Variants in DDX5 observed in about 807,000 individuals in gnomAD.
DDX5 encodes the protein probable ATP-dependent RNA helicase DDX5.
DDX5 carries 6 observed loss-of-function variants against 68.6 expected under a neutral mutation model. The observed-to-expected ratio is 0.09, with a 90% CI of 0.05 to 0.17. DDX5 has a LOEUF of 0.17. Among genes scored for constraint, DDX5 ranks in the 10% least tolerant of loss-of-function variants. The pLI is 1.00. For synonymous variants in DDX5, 350 were observed against 247.0 expected (o/e 1.42, Z -3.91); for missense variants, 499 against 756.1 (o/e 0.66, Z 3.99).
chr17:64,502,865 A>T, intron 8 of DDX5, 61 bp downstream of exon 8: 1 of 1,452,184 alleles, frequency 6.9e-7, no homozygotes, highest in Non-Finnish European at 9.2e-7. Context: ...CCAAACAATG[A>T]TCCCTCAATT....
chr17:64,503,361 A>G lies in DDX5; in HGVS notation c.650-13T>C. ...CAGATTTCCACACCTTTAATTAAAT[A>G]CGTAAGTGTAACTACAATACCTAGG... On this transcript the variant is annotated splice_polypyrimidine_tract_variant and intron_variant, in intron 6 of 12. Coordinates refer to ENST00000225792, the MANE Select transcript of DDX5 (RefSeq NM_004396.5). 1 of 1,614,096 alleles carries G rather than the reference A, an allele frequency of 6.2e-7. No homozygotes were observed. Among genetic ancestry groups the G allele is most frequent in the Middle Eastern group, 1.6e-4 (1 of 6,062 alleles).
At chr17:64,502,316 CGCCAGAAATGAAAAAGTTA>C (rs2038316876) in intron 9 of DDX5, 93 bp from the exon 10 acceptor site, 4 of 1,491,452 alleles carry the variant, frequency 2.7e-6, no homozygotes, top group Non-Finnish European at 3.7e-6. Flanking sequence ...TCTTTAATTT[CGCCAGAAATGAAAAAGTTA>C]AATTCACTAT....
At chr17:64,502,245 G>T in intron 9 of DDX5, 22 bp from the exon 10 acceptor site, 1 of 1,613,166 alleles carries the variant, frequency 6.2e-7, no homozygotes, top group South Asian at 1.1e-5. Flanking sequence ...GACAAGTTGT[G>T]TTATTAAACT....
At position 64,503,458 on chromosome 17, in the gene DDX5, C is replaced by T. The variant is rs1332908873; in HGVS notation, c.621G>A (p.Lys207=). The T allele has an allele frequency of 1.2e-6, 2 of 1,614,196 alleles. No individual in the cohort carries two copies. The highest frequency in any genetic ancestry group is 1.7e-6 in the Non-Finnish European group (2 of 1,180,018). ...TCTCCAAATCACGTATTTGTGGTCCCTTAGGAGCACCACCGTAGATACAAG... is the reference window on the plus strand; with the variant it reads ...TCTCCAAATCACGTATTTGTGGTCCTTTAGGAGCACCACCGTAGATACAAG... The part of the protein sequence containing the change: ...KSTCIYGGAP[K]GPQIRDLERG... Residue 207 remains lysine (K), a synonymous_variant, in exon 6 of 13, where the codon AAG becomes AAA. Coordinates refer to ENST00000225792, the MANE Select transcript of DDX5 (RefSeq NM_004396.5).
In DDX5 at chr17:64,503,875, A is replaced by G; in HGVS notation, c.442-7T>C. Reference sequence around the variant, plus strand: ...CAATGGCAGGAAGCAAATACTATTTAGGGTGAAAGTGGGGACAAACAGAAA... The same window carrying G: ...CAATGGCAGGAAGCAAATACTATTTGGGGTGAAAGTGGGGACAAACAGAAA... On this transcript the variant is annotated splice_region_variant and splice_polypyrimidine_tract_variant and intron_variant, in intron 4 of 12. Coordinates refer to ENST00000225792, the MANE Select transcript of DDX5 (RefSeq NM_004396.5). 1 of 1,614,172 alleles carries G rather than the reference A, an allele frequency of 6.2e-7. No homozygotes were observed. Among genetic ancestry groups the G allele is most frequent in the Non-Finnish European group, 8.5e-7 (1 of 1,180,008 alleles).
At chr17:64,506,828 G>C (rs868952064), upstream of DDX5, 62 of 592,290 alleles carry the variant, frequency 1.0e-4, no homozygotes, top group Non-Finnish European at 1.8e-4. Flanking sequence ...CCGCGTGTCT[G>C]ATAATCCTTT....
In DDX5 at chr17:64,499,819, T is replaced by A; in HGVS notation, c.*104A>T. ...CACCATAATTACTGCTGCACTGCAGTCATTTCTGCAATTCCCATGTTTCTT... is the reference window on the plus strand; with the variant it reads ...CACCATAATTACTGCTGCACTGCAGACATTTCTGCAATTCCCATGTTTCTT... On this transcript the variant is annotated 3_prime_UTR_variant, in exon 13 of 13. Coordinates refer to ENST00000225792, the MANE Select transcript of DDX5 (RefSeq NM_004396.5). 9.0e-7 allele frequency: 1 copy of A among 1,115,474 alleles called. No individual in the cohort carries two copies. The highest frequency in any genetic ancestry group is 1.8e-5 in the South Asian group (1 of 54,658). 69.1% of individuals were successfully genotyped at this position (1,115,474 alleles called of 1,614,324 possible).
At position 64,499,890 on chromosome 17, in the gene DDX5, GA is replaced by G. The variant is rs782719325; in HGVS notation, c.*32del. The G allele has an allele frequency of 2.0e-6, 3 of 1,519,990 alleles. No homozygotes were observed. In the East Asian group the frequency reaches 6.8e-5, roughly 34 times the overall value. The allele number at this position is 1,519,990 out of a possible 1,614,324, so 94.2% of individuals were successfully genotyped here. A position where few individuals can be genotyped will look rare whatever the true frequency, so the allele number is the denominator to read the frequency against. Reference sequence around the variant, plus strand: ...AACACACAATATAAAGAGCAATTATGAAAAACAGACATTTACATATACTTCT... The same window carrying G: ...AACACACAATATAAAGAGCAATTATGAAAACAGACATTTACATATACTTCT... On this transcript the variant is annotated 3_prime_UTR_variant, in exon 13 of 13. Coordinates refer to ENST00000225792, the MANE Select transcript of DDX5 (RefSeq NM_004396.5).
At position 64,504,754 on chromosome 17, in the gene DDX5, T is replaced by C; in HGVS notation, c.133A>G (p.Lys45Glu). 1 of 1,614,176 alleles carries C rather than the reference T, an allele frequency of 6.2e-7. No homozygotes were observed. The highest frequency in any genetic ancestry group is 8.5e-7 in the Non-Finnish European group (1 of 1,180,020). The change falls in exon 2 of 13, where the codon AAG becomes GAG. Residue 45 changes from lysine (K) to glutamate (E), a missense_variant. By Grantham distance (56) the Lys-to-Glu change is moderately conservative. Transcript: ENST00000225792. ...GNPGEKLVKK[K>E]WNLDELPKFE... Reference sequence around the variant, plus strand: ...TTAGGCAGCTCATCAAGATTCCACTTCTTTTTAACTAATTTCTCCCCAGGG... The same window carrying C: ...TTAGGCAGCTCATCAAGATTCCACTCCTTTTTAACTAATTTCTCCCCAGGG...
Position 64,502,307 on chromosome 17 carries a change from C to CT in DDX5, c.1095-85dup, listed in dbSNP as rs1386197255. ...CTTGACCACTTTTGGTCACAGATCT[C>CT]TTTAATTTCGCCAGAAATGAAAAAG... On this transcript the variant is annotated intron_variant, in intron 9 of 12. Transcript: ENST00000225792. 4 of 1,508,658 alleles carry CT rather than the reference C, an allele frequency of 2.7e-6. No homozygotes were observed. In the African/African-American group the frequency reaches 5.6e-5, roughly 21 times the overall value. The allele number at this position is 1,508,658 out of a possible 1,614,324, so 93.5% of individuals were successfully genotyped here.
chr17:64,500,944 A>G, intron 11 of DDX5, 171 bp from the exon 12 acceptor site: 1 of 606,664 alleles, frequency 1.6e-6, no homozygotes, highest in South Asian at 2.0e-5. Flanking sequence ...GAGGTTGAAA[A>G]AAGAAAAAAA....
At chr17:64,504,457 C>A in intron 2 of DDX5, 139 bp from the exon 3 acceptor site, 2 of 909,048 alleles carry the variant, frequency 2.2e-6, no homozygotes, top group Non-Finnish European at 3.3e-6. Context: ...CCTATGAACA[C>A]CCTATTATGA....
intron 12 of DDX5, 94 bp downstream of exon 12, chr17:64,500,455 T>C: frequency 6.6e-7 from 1 of 1,516,584 alleles, no homozygotes; most frequent in Non-Finnish European, 9.0e-7. Flanking sequence ...GTTTTCACAT[T>C]CAAGGTTTTA....
At chr17:64,502,903 A>AT (rs530817408) in intron 8 of DDX5, 23 bp downstream of exon 8, 6 of 1,554,544 alleles carry the variant, frequency 3.9e-6, no homozygotes, top group Non-Finnish European at 5.2e-6. Flanking sequence ...GGAAGCAAAT[A>AT]TAACAGAGTT....
rs531052547 is a variant in DDX5, at chr17:64,501,714, C to T, written c.1216+296G>A. The stretch of plus-strand genomic sequence containing the variant: ...ACTGTGAGGATAACTTCCATTTTTT[C>T]CCTCGGAGAGAACAGTTTACGGGGC... On this transcript the variant is annotated intron_variant, in intron 11 of 12. Coordinates refer to ENST00000225792, the MANE Select transcript of DDX5 (RefSeq NM_004396.5). 7 of 441,582 alleles carry T rather than the reference C, an allele frequency of 1.6e-5. No individual in the cohort carries two copies. The Admixed American group carries it at 2.3e-4, about 14-fold the overall frequency. 27.4% of individuals were successfully genotyped at this position (441,582 alleles called of 1,614,324 possible).
upstream of DDX5, chr17:64,506,758 A>G (rs1047847309): frequency 1.2e-5 from 6 of 493,974 alleles, no homozygotes; most frequent in East Asian, 7.4e-5. Flanking sequence ...AGCTCACCGG[A>G]AGTGCGCTGC....
intron 12 of DDX5, 103 bp from the exon 13 acceptor site, chr17:64,500,429 C>T: frequency 8.5e-6 from 13 of 1,529,150 alleles, no homozygotes; most frequent in Non-Finnish European, 1.2e-5. Flanking sequence ...AATGTTTTTA[C>T]AATTTTTCAG....
At position 64,499,217 on chromosome 17, in the gene DDX5, A is replaced by G. The variant is rs1325867811; in HGVS notation, c.*706T>C. ...TATAAGTCTCTTGAAAAAGCCAGTT[A>G]TTTGGAGCTTTTTAAATTATAAACT... is the stretch of plus-strand genomic sequence containing the variant. On this transcript the variant is annotated 3_prime_UTR_variant, in exon 13 of 13. Coordinates refer to ENST00000225792, the MANE Select transcript of DDX5 (RefSeq NM_004396.5). 4.6e-5 allele frequency among the ~76,000 whole-genome samples: 7 copies of G among 152,208 alleles called. No homozygotes were observed. Among genetic ancestry groups the G allele is most frequent in the South Asian group, 2.1e-4 (1 of 4,832 alleles).
At position 64,506,143 on chromosome 17, in the gene DDX5, G is replaced by A. The variant is rs782660482; in HGVS notation, c.-24C>T. On this transcript the variant is annotated 5_prime_UTR_variant, in exon 1 of 13. Coordinates refer to ENST00000225792, the MANE Select transcript of DDX5 (RefSeq NM_004396.5). Reference sequence around the variant, plus strand: ...ATGGCGTCAATGGTTGCGGTTGGCGGGGAACGAAGTATATAGAAAAGCGTG... The same window carrying A: ...ATGGCGTCAATGGTTGCGGTTGGCGAGGAACGAAGTATATAGAAAAGCGTG... 6.2e-6 allele frequency: 10 copies of A among 1,609,176 alleles called. No individual in the cohort carries two copies. The South Asian group carries it at 8.9e-5, about 14-fold the overall frequency.
Sources: allele counts gnomAD v4.1 joint callset (sites outside exome capture counted in the v4.1 genomes callset), GRCh38; gene constraint gnomAD v4.1.1; transcripts MANE v1.5; gene names NCBI Gene and HGNC (gene_info 2026-07-23, HGNC 2026-07-21).